Variants in PRKG2 observed in about 807,000 individuals in gnomAD.
The protein encoded by PRKG2 is cGMP-dependent protein kinase 2.
In PRKG2, 33 loss-of-function variants were observed where a neutral mutation model predicts 97.2. The ratio of observed to expected loss-of-function variants is 0.34; its 90% CI spans 0.26 to 0.45. The LOEUF is 0.45. Ranked by LOEUF, PRKG2 falls within the 20% of genes least tolerant of loss-of-function variation. PRKG2 has a pLI of 1.00. For synonymous variants in PRKG2, 330 were observed against 321.8 expected (o/e 1.03, Z -0.27); for missense variants, 638 against 900.0 (o/e 0.71, Z 3.73).
chr4:81,115,966 A>T (rs1744471836), intron 14 of PRKG2, among the ~76,000 whole-genome samples: 1 of 152,226 alleles, frequency 6.6e-6, no homozygotes, highest in African/African-American at 2.4e-5. Flanking sequence ...GTATTTAAAA[A>T]TACACTAAGT....
chr4:81,107,356 TAA>T (rs1007538296), intron 15 of PRKG2, among the ~76,000 whole-genome samples: 2 of 151,628 alleles, frequency 1.3e-5, no homozygotes, highest in African/African-American at 4.9e-5. Flanking sequence ...AGTGAGTGGG[TAA>T]AAAGAGAGAA....
intron 14 of PRKG2, among the ~76,000 whole-genome samples, chr4:81,126,415 T>C (rs1251592080): frequency 6.6e-6 from 1 of 152,186 alleles, no homozygotes; most frequent in African/African-American, 2.4e-5. Flanking sequence ...CTGGGTCAAA[T>C]AGTATTTCTG....
At chr4:81,133,935 G>T (rs931936185) in intron 14 of PRKG2, among the ~76,000 whole-genome samples, 3 of 152,012 alleles carry the variant, frequency 2.0e-5, no homozygotes, top group Non-Finnish European at 4.4e-5. Context: ...CCTCATGTTG[G>T]TTCTACTTTT....
At position 81,204,653 on chromosome 4, in the gene PRKG2, C is replaced by T. The variant is rs769016833; in HGVS notation, c.395G>A (p.Arg132Gln). Reference protein sequence around the residue: ...KAGVSAEPTTRTYDLNKPPEF... With the variant: ...KAGVSAEPTTQTYDLNKPPEF... ...AGGGGGTTTGTTCAGGTCATAGGTC[C>T]GGGTTGTTGGCTCAGCAGACACGCC... Residue 132 changes from arginine to glutamine, a missense_variant, in exon 2 of 19, where the codon CGG becomes CAG. Around this residue, in one of 3 missense-constraint regions of PRKG2, gnomAD observed 332 missense variants for 421.7 expected, o/e 0.79. Transcript: ENST00000264399. 1.3e-5 allele frequency: 21 copies of T among 1,614,006 alleles called. No homozygotes were observed. Among genetic ancestry groups the T allele is most frequent in the Middle Eastern group, 1.6e-4 (1 of 6,082 alleles).
intron 2 of PRKG2, among the ~76,000 whole-genome samples, chr4:81,203,250 C>G (rs1422263662): frequency 1.3e-5 from 2 of 151,974 alleles, no homozygotes; most frequent in African/African-American, 4.8e-5. Flanking sequence ...AATTTTTAGA[C>G]TAATAAAAAT....
intron 6 of PRKG2, chr4:81,165,030 G>A (rs772548959): frequency 4.6e-5 from 7 of 152,108 alleles, no homozygotes; most frequent in East Asian, 1.9e-4. Context: ...TTTCATTGTC[G>A]TTAATCTGTA....
chr4:81,137,928 G>A (rs894959285), intron 12 of PRKG2, among the ~76,000 whole-genome samples: 2 of 152,116 alleles, frequency 1.3e-5, no homozygotes, highest in African/African-American at 4.8e-5. Context: ...GTTAATTGAT[G>A]TTGGATTCCC....
intron 18 of PRKG2, among the ~76,000 whole-genome samples, chr4:81,090,868 C>G (rs1319203601): frequency 2.0e-5 from 3 of 152,102 alleles, no homozygotes; most frequent in African/African-American, 7.2e-5. Context: ...TCCCATTCTT[C>G]TAATAAATAA....
intron 7 of PRKG2, among the ~76,000 whole-genome samples, chr4:81,152,443 TTGAG>T (rs1560583356): frequency 6.6e-6 from 1 of 152,182 alleles, no homozygotes; most frequent in African/African-American, 2.4e-5. Context: ...AAAAATAAGG[TTGAG>T]TATCAGTAGT....
intron 6 of PRKG2, chr4:81,165,043 C>T (rs558989596): frequency 6.6e-6 from 1 of 152,276 alleles, no homozygotes; most frequent in Admixed American, 6.5e-5. Flanking sequence ...AATCTGTACA[C>T]TCCGTTCTGA....
At chr4:81,155,292 T>A (rs1033892407) in intron 6 of PRKG2, among the ~76,000 whole-genome samples, 3 of 151,224 alleles carry the variant, frequency 2.0e-5, no homozygotes, top group African/African-American at 7.4e-5. Flanking sequence ...TGCAGAAGCC[T>A]CAGGAGCCGA....
Position 81,186,118 on chromosome 4 carries a change from A to C in PRKG2, c.462-11159T>G, listed in dbSNP as rs544433583. Among the ~76,000 whole-genome samples the C allele has an allele frequency of 2.0e-5, 3 of 152,276 alleles. No individual in the cohort carries two copies. The East Asian group carries it at 5.8e-4, about 29-fold the overall frequency. On this transcript the variant is annotated intron_variant, in intron 2 of 18. Coordinates refer to ENST00000264399, the MANE Select transcript of PRKG2 (RefSeq NM_006259.3). ...GACTTGATTCAGCTCTGGACCAAGC[A>C]GACCTAACAGATCCCTACAGAACTC... is the stretch of plus-strand genomic sequence containing the variant.
At chr4:81,152,946 C>CCCT (rs1403796634) in intron 7 of PRKG2, among the ~76,000 whole-genome samples, 2 of 152,164 alleles carry the variant, frequency 1.3e-5, no homozygotes, top group African/African-American at 4.8e-5. Context: ...TGATGGTAAA[C>CCCT]CCTTCCATAT....
chr4:81,142,984 C>G, intron 10 of PRKG2, 37 bp from the exon 11 acceptor site: 1 of 1,553,340 alleles, frequency 6.4e-7, no homozygotes, highest in Non-Finnish European at 8.8e-7. Flanking sequence ...CACACACACC[C>G]ATAATTAAGA....
intron 2 of PRKG2, among the ~76,000 whole-genome samples, chr4:81,186,921 C>G (rs1394099690): frequency 6.6e-6 from 1 of 152,016 alleles, no homozygotes; most frequent in East Asian, 1.9e-4. Flanking sequence ...CAAGATTAGA[C>G]CAGGAACAAG....
rs757954080 is a variant in PRKG2 at position 81,169,689 on chromosome 4, A to T, written c.822T>A (p.Asp274Glu). 6.2e-7 allele frequency: 1 copy of T among 1,607,420 alleles called. No individual in the cohort carries two copies. The highest frequency in any genetic ancestry group is 8.5e-7 in the Non-Finnish European group (1 of 1,175,786). The stretch of plus-strand genomic sequence containing the variant: ...TTCTGAGGAAGTTTCTGTATTGTTC[A>T]TCTCTAGCTTGGGCTGTCCTCCTCA... ...NIMRRTAQAR[D>E]EQYRNFLRSV... is the part of the protein sequence containing the mutation. Residue 274 changes from aspartate (D) to glutamate (E), a missense_variant, in exon 5 of 19, where the codon GAT becomes GAA. By Grantham distance (45) the Asp-to-Glu change is conservative. Transcript: ENST00000264399.
chr4:81,163,261 C>T (rs1345424795), intron 6 of PRKG2, among the ~76,000 whole-genome samples: 1 of 152,086 alleles, frequency 6.6e-6, no homozygotes, highest in African/African-American at 2.4e-5. Context: ...CAGTGTTTGC[C>T]AACTGGGGAG....
At chr4:81,092,312 C>CAT in intron 18 of PRKG2, 74 bp downstream of exon 18, 1 of 992,372 alleles carries the variant, frequency 1.0e-6, no homozygotes, top group East Asian at 2.6e-5. Flanking sequence ...CATATACATA[C>CAT]ACACATCTAA....
chr4:81,167,324 T>C (rs3733551), intron 5 of PRKG2, 100 bp from the exon 6 acceptor site: 83,767 of 698,678 alleles, frequency 0.12, 5,900 homozygotes, highest in Middle Eastern at 0.23. Flanking sequence ...TTAAAAAATA[T>C]AATGCACTTT....
Sources: gnomAD v4.1 joint callset for allele counts (sites outside exome capture counted in the v4.1 genomes callset) on GRCh38, gnomAD v4.1.1 for gene constraint, gnomAD v4.1.1 regional missense constraint, MANE v1.5 for transcripts, NCBI Gene and HGNC (gene_info 2026-07-23, HGNC 2026-07-21) for gene names.